Variants in RBFOX1 observed in about 807,000 individuals in gnomAD.
The protein encoded by RBFOX1 is RNA binding fox-1 homolog 1, also known as RNA binding protein fox-1 homolog 1.
Under a neutral mutation model 57.7 loss-of-function variants are expected in RBFOX1, and 8 were observed. The observed-to-expected ratio is 0.14, with a 90% confidence interval of 0.08 to 0.25. The LOEUF (loss-of-function observed/expected upper bound fraction) is 0.25. RBFOX1 is among the 10% of genes least tolerant of loss of function. RBFOX1 has a pLI of 1.00. For synonymous variants in RBFOX1, 326 were observed against 222.4 expected (o/e 1.47, Z -4.15); for missense variants, 611 against 548.5 (o/e 1.11, Z -1.14).
intron 1 of RBFOX1, among the ~76,000 whole-genome samples, chr16:6,066,242 C>G (rs2095759600): frequency 2.4e-5 from 3 of 127,394 alleles, no homozygotes; most frequent in South Asian, 2.5e-4. Context: ...TTGCAGTGAT[C>G]CAAGATTGTG....
chr16:7,111,074 C>T (rs1451624483), intron 4 of RBFOX1, among the ~76,000 whole-genome samples: 2 of 152,188 alleles, frequency 1.3e-5, no homozygotes, highest in African/African-American at 4.8e-5. Flanking sequence ...TTTTGAAAAG[C>T]CAAATAACTG....
intron 1 of RBFOX1, among the ~76,000 whole-genome samples, chr16:6,085,315 C>G (rs1390889744): frequency 6.6e-6 from 1 of 152,184 alleles, no homozygotes; most frequent in Non-Finnish European, 1.5e-5. Flanking sequence ...TCTTGTTGCC[C>G]AGGCTGAAGT....
chr16:6,043,338 T>A (rs183978817), intron 1 of RBFOX1, among the ~76,000 whole-genome samples: 100 of 152,204 alleles, frequency 6.6e-4, no homozygotes, highest in African/African-American at 2.0e-3. Context: ...AGGTTCTTCA[T>A]AGATTCAGAA....
chr16:6,104,434 G>A (rs2096353299), intron 1 of RBFOX1, among the ~76,000 whole-genome samples: 1 of 152,044 alleles, frequency 6.6e-6, no homozygotes, highest in African/African-American at 2.4e-5. Flanking sequence ...TTTTATAGAG[G>A]TATAATTTAT....
intron 3 of RBFOX1, among the ~76,000 whole-genome samples, chr16:6,836,586 C>G (rs552977764): frequency 6.6e-6 from 1 of 152,304 alleles, no homozygotes; most frequent in South Asian, 2.1e-4. Context: ...ATCAAATCAT[C>G]TTTCAAGACT....
intron 3 of RBFOX1, among the ~76,000 whole-genome samples, chr16:6,797,473 C>T (rs1328753146): frequency 1.3e-5 from 2 of 152,142 alleles, no homozygotes; most frequent in Non-Finnish European, 2.9e-5. Context: ...CACATATATC[C>T]TGTTTCCCCC....
chr16:6,692,154 T>C (rs2060293743), intron 3 of RBFOX1, among the ~76,000 whole-genome samples: 2 of 152,202 alleles, frequency 1.3e-5, no homozygotes, highest in Non-Finnish European at 2.9e-5. Flanking sequence ...TATTCTCCTA[T>C]TTTACAGATG....
intron 3 of RBFOX1, among the ~76,000 whole-genome samples, chr16:6,867,219 T>G (rs547789136): frequency 3.3e-5 from 5 of 152,190 alleles, no homozygotes; most frequent in Admixed American, 1.3e-4. Context: ...TAAGTCTTTC[T>G]GTAGGGGAAA....
At chr16:7,694,617 G>A (rs1026241012) in intron 14 of RBFOX1, among the ~76,000 whole-genome samples, 1 of 152,156 alleles carries the variant, frequency 6.6e-6, no homozygotes, top group African/African-American at 2.4e-5. Context: ...TTAACCCCTA[G>A]ACTCGTATCT....
At chr16:7,348,036 G>C (rs1419982022) in intron 4 of RBFOX1, among the ~76,000 whole-genome samples, 12 of 152,208 alleles carry the variant, frequency 7.9e-5, no homozygotes, top group Non-Finnish European at 1.8e-4. Context: ...TTCGATTTAA[G>C]CTCGTTGCCT....
intron 1 of RBFOX1, among the ~76,000 whole-genome samples, chr16:5,294,386 G>C (rs2063610908): frequency 6.6e-6 from 1 of 152,202 alleles, no homozygotes; most frequent in Admixed American, 6.5e-5. Flanking sequence ...CTGTGGTTGA[G>C]AATCTCCTTC....
intron 7 of RBFOX1, among the ~76,000 whole-genome samples, chr16:7,592,497 G>C (rs1187422968): frequency 6.6e-6 from 1 of 152,188 alleles, no homozygotes; most frequent in Non-Finnish European, 1.5e-5. Flanking sequence ...TCCCAGTGCT[G>C]TGGTAATAAT....
At chr16:5,952,005 G>GTA (rs752117713) in intron 4 of RBFOX1, among the ~76,000 whole-genome samples, 17 of 149,586 alleles carry the variant, frequency 1.1e-4, no homozygotes, top group Non-Finnish European at 1.6e-4. Flanking sequence ...ATGTGTGTGT[G>GTA]TATATATATA....
intron 2 of RBFOX1, among the ~76,000 whole-genome samples, chr16:5,488,514 G>A (rs549088178): frequency 1.6e-3 from 239 of 148,270 alleles, no homozygotes; most frequent in Non-Finnish European, 2.5e-3. Context: ...TGATGATGGT[G>A]ATGATTGAAG....
chr16:6,266,705 C>G (rs1472143655), intron 1 of RBFOX1, among the ~76,000 whole-genome samples: 2 of 148,970 alleles, frequency 1.3e-5, no homozygotes, highest in Non-Finnish European at 3.0e-5. Context: ...CAGTGCAAGA[C>G]TCTGTCTAAA....
In RBFOX1 at chr16:7,664,703, G is replaced by A. The variant is rs182804339; in HGVS notation, c.891-226G>A. 942 of 667,338 alleles carry A rather than the reference G, an allele frequency of 1.4e-3. 1 individual carries two copies. Among genetic ancestry groups the A allele is most frequent in the Non-Finnish European group, 1.8e-3 (723 of 407,232 alleles). The allele number at this position is 667,338 out of a possible 1,614,324, so 41.3% of individuals were successfully genotyped here. A position where few individuals can be genotyped will look rare whatever the true frequency, so the allele number is the denominator to read the frequency against. ...TGGGAAGTTTGGGACCTAGCACACC[G>A]CCACCACCACATCCTAATTCTGGGC... On this transcript the variant is annotated intron_variant, in intron 12 of 15. Transcript: ENST00000550418.
At chr16:5,456,907 C>T (rs1406090756) in intron 1 of RBFOX1, among the ~76,000 whole-genome samples, 1 of 152,228 alleles carries the variant, frequency 6.6e-6, no homozygotes, top group African/African-American at 2.4e-5. Flanking sequence ...TTTCTTGTCT[C>T]TAGCACATTC....
At chr16:7,504,747 A>ATATATATATATT (rs2072433753) in intron 4 of RBFOX1, among the ~76,000 whole-genome samples, 2 of 12,398 alleles carry the variant, frequency 1.6e-4, no homozygotes, top group Admixed American at 1.1e-3. Context: ...ATATATATAT[A>ATATATATATATT]TATATATTTA....
intron 1 of RBFOX1, among the ~76,000 whole-genome samples, chr16:5,290,018 T>C (rs1365961834): frequency 5.3e-5 from 8 of 152,242 alleles, no homozygotes; most frequent in African/African-American, 1.9e-4. Context: ...GGTTTGACCA[T>C]GCAATGGAAT....
Sources: allele counts gnomAD v4.1 joint callset (sites outside exome capture counted in the v4.1 genomes callset), GRCh38; gene constraint gnomAD v4.1.1; transcripts MANE v1.5; gene names NCBI Gene and HGNC (gene_info 2026-07-23, HGNC 2026-07-21).